Variants in NCOR2 observed in about 807,000 individuals in gnomAD.
The protein encoded by NCOR2 is nuclear receptor corepressor 2, also known as CTG repeat protein 26.
A neutral mutation model predicts 262.9 loss-of-function variants in NCOR2; 81 were observed. The ratio of observed to expected loss-of-function variants is 0.31; its 90% CI spans 0.26 to 0.37. The LOEUF (loss-of-function observed/expected upper bound fraction) is 0.37, where lower values mean the gene tolerates loss of function less well. Ranked by LOEUF, NCOR2 falls within the 10% of genes least tolerant of loss-of-function variation. The probability of loss-of-function intolerance (pLI) is 1.00; values close to 1 mark genes in which losing one functional copy is unlikely to be tolerated. For missense variants in NCOR2, 3,385 were observed against 3,621.4 expected, an observed-to-expected ratio of 0.93 and a Z score of 1.68; for synonymous variants, 1,659 against 1,559.3, an observed-to-expected ratio of 1.06 and a Z score of -1.51.
At chr12:124,337,113 C>T (rs750908364) in exon 38 of NCOR2, 40 of 1,510,908 alleles carry the variant, frequency 2.6e-5, no homozygotes, top group Middle Eastern at 3.5e-4. Flanking sequence ...AGGGTGCCGC[C>T]CAGTGGGCAG....
chr12:124,493,529 G>A (rs776605914), intron 1 of NCOR2, among the ~76,000 whole-genome samples: 4 of 152,182 alleles, frequency 2.6e-5, no homozygotes, highest in South Asian at 2.1e-4. Flanking sequence ...GAGAGGTTAC[G>A]TAACTTGTCC....
chr12:124,485,705 G>A (rs1455649870), intron 2 of NCOR2, among the ~76,000 whole-genome samples: 1 of 152,198 alleles, frequency 6.6e-6, no homozygotes, highest in Non-Finnish European at 1.5e-5. Context: ...GTACCATGAA[G>A]GGCTGGGGCC....
At chr12:124,460,662 G>C (rs1389707677) in intron 5 of NCOR2, among the ~76,000 whole-genome samples, 2 of 152,224 alleles carry the variant, frequency 1.3e-5, no homozygotes, top group African/African-American at 2.4e-5. Flanking sequence ...CCAGTAACCT[G>C]TTTCTGGGGT....
intron 1 of NCOR2, among the ~76,000 whole-genome samples, chr12:124,505,519 C>T (rs1228245733): frequency 6.6e-6 from 1 of 152,226 alleles, no homozygotes; most frequent in African/African-American, 2.4e-5. Flanking sequence ...CCAGTGCCCT[C>T]TCAACCAAGC....
At chr12:124,341,675 C>G in intron 34 of NCOR2, 148 bp downstream of exon 36, 1 of 1,265,196 alleles carries the variant, frequency 7.9e-7, no homozygotes, top group Non-Finnish European at 1.1e-6. Flanking sequence ...ACAGCACGCA[C>G]AACCCCAGGC....
In NCOR2 at chr12:124,370,272, C is replaced by T. The variant is rs1702336; in HGVS notation, c.2807+1750G>A. ...GCTCATCACAGGGTCAGGGTCAGGC[C>T]GTCCACTTCTCACACGCATGGGCGC... On this transcript the variant is annotated intron_variant, in intron 20 of 46. Coordinates refer to ENST00000405201, the Ensembl canonical transcript of NCOR2. Among the ~76,000 whole-genome samples the T allele has an allele frequency of 4.3e-3, 657 of 152,346 alleles. 2 individuals are homozygous for T. The highest frequency in any genetic ancestry group is 0.012 in the South Asian group (57 of 4,830).
chr12:124,557,968 G>A (rs1277198122), intron 1 of NCOR2, among the ~76,000 whole-genome samples: 1 of 151,972 alleles, frequency 6.6e-6, no homozygotes, highest in African/African-American at 2.4e-5. Context: ...CCAGCCTAGG[G>A]AAAAGCCCAG....
rs942338372 is a variant in NCOR2, at chr12:124,549,990, C to G, written c.-164-14379G>C. On this transcript the variant is annotated intron_variant, in intron 1 of 32. Coordinates refer to the NCOR2 transcript ENST00000458234. The surrounding 1 kb of genome is among the most constrained non-coding windows in gnomAD (Gnocchi z 4.4). Reference sequence around the variant, plus strand: ...ACCTTTCTCCCCTCCTGAGGTCCCTCTCTAAGATCCTGTATCGCAGGGGTC... The same window carrying G: ...ACCTTTCTCCCCTCCTGAGGTCCCTGTCTAAGATCCTGTATCGCAGGGGTC... Among the ~76,000 whole-genome samples, 3 of 152,248 alleles carry G rather than the reference C, an allele frequency of 2.0e-5. No individual in the cohort carries two copies. Among genetic ancestry groups the G allele is most frequent in the African/African-American group, 7.2e-5 (3 of 41,464 alleles).
intron 17 of NCOR2, among the ~76,000 whole-genome samples, chr12:124,384,019 C>T (rs1424782521): frequency 2.7e-5 from 4 of 148,640 alleles, no homozygotes; most frequent in Admixed American, 6.7e-5. Flanking sequence ...GGGGGACAGG[C>T]GGAGGGAGCC....
intron 1 of NCOR2, among the ~76,000 whole-genome samples, chr12:124,490,126 C>G: frequency 6.6e-6 from 1 of 152,190 alleles, no homozygotes; most frequent in East Asian, 1.9e-4. Flanking sequence ...ACATACTGTT[C>G]CTGCTGCCTG....
Position 124,378,494 on chromosome 12 carries a change from G to A in NCOR2, c.2020-110C>T. On this transcript the variant is annotated intron_variant, in intron 17 of 46. Coordinates refer to ENST00000405201, the Ensembl canonical transcript of NCOR2. The surrounding 1 kb of genome is among the most constrained non-coding windows in gnomAD (Gnocchi z 4.2). ...TGCAAAGGGCAGTGATCCCGGCCAT[G>A]TAGCAATGAGGGTGACCGTCCCCCT... 1.7e-6 allele frequency: 2 copies of A among 1,147,936 alleles called. No individual in the cohort carries two copies. Among genetic ancestry groups the A allele is most frequent in the Non-Finnish European group, 2.4e-6 (2 of 832,092 alleles). 71.1% of individuals were successfully genotyped at this position (1,147,936 alleles called of 1,614,324 possible). A position where few individuals can be genotyped will look rare whatever the true frequency, so the allele number is the denominator to read the frequency against.
Position 124,457,471 on chromosome 12 carries a change from G to A in NCOR2, c.706-309C>T, listed in dbSNP as rs548130359. 6.6e-6 allele frequency among the ~76,000 whole-genome samples: 1 copy of A among 152,250 alleles called. No homozygotes were observed. The highest frequency in any genetic ancestry group is 1.9e-4 in the East Asian group (1 of 5,142). ...CCTCGCTCCCCCAGGGCCCAGCGAC[G>A]TGGGCACCGCTCCCCACCAGCCCAG... On this transcript the variant is annotated intron_variant, in intron 5 of 46. Coordinates refer to ENST00000405201, the Ensembl canonical transcript of NCOR2. This position sits in a 1 kb window ranked among gnomAD's most constrained non-coding sequence, Gnocchi z 4.0.
chr12:124,524,887 C>A (rs991735652), intron 1 of NCOR2, among the ~76,000 whole-genome samples: 5 of 152,218 alleles, frequency 3.3e-5, no homozygotes, highest in African/African-American at 1.2e-4. Flanking sequence ...GGATACTAAA[C>A]TCGAAGGCAC....
chr12:124,523,364 C>T lies in NCOR2; in HGVS notation c.-118+12201G>A, dbSNP rs916971844. ...TGCCTGTTCTGGGGCTCCTGGGAAC[C>T]CACACCCCGGTGGCAGGGGCAGCGG... On this transcript the variant is annotated intron_variant, in intron 1 of 46. Transcript: ENST00000404621. This position sits in a 1 kb window ranked among gnomAD's most constrained non-coding sequence, Gnocchi z 4.0. Among the ~76,000 whole-genome samples the T allele has an allele frequency of 5.3e-5, 8 of 152,116 alleles. No individual in the cohort carries two copies. The highest frequency in any genetic ancestry group is 8.8e-5 in the Non-Finnish European group (6 of 68,010).
At chr12:124,339,910 C>CCCAAAAACAA in intron 37 of NCOR2, 96 bp downstream of exon 39, 1 of 1,057,510 alleles carries the variant, frequency 9.5e-7, no homozygotes, top group Non-Finnish European at 1.4e-6. Flanking sequence ...CACCCACCTC[C>CCCAAAAACAA]CATATACCTC....
chr12:124,442,674 T>C (rs1321363250), intron 7 of NCOR2, among the ~76,000 whole-genome samples: 1 of 152,186 alleles, frequency 6.6e-6, no homozygotes, highest in Non-Finnish European at 1.5e-5. Flanking sequence ...TTGCAGGTGG[T>C]ACACTGCCTA....
chr12:124,450,152 A>G (rs2045431401), intron 6 of NCOR2, among the ~76,000 whole-genome samples: 1 of 152,216 alleles, frequency 6.6e-6, no homozygotes, highest in African/African-American at 2.4e-5. Context: ...AAGGGGCCAC[A>G]GCCCAGAGCA....
intron 16 of NCOR2, among the ~76,000 whole-genome samples, chr12:124,386,494 C>T (rs1458352581): frequency 1.3e-5 from 2 of 152,096 alleles, no homozygotes; most frequent in African/African-American, 4.8e-5. Context: ...TCCCTAAGGG[C>T]ACCTAAAGGC....
At chr12:124,456,739 G>A (rs544602680) in intron 6 of NCOR2, among the ~76,000 whole-genome samples, 26 of 152,318 alleles carry the variant, frequency 1.7e-4, no homozygotes, top group Admixed American at 1.0e-3. Context: ...GGAGTGGACC[G>A]AGATTGTGTG....
Sources: allele counts gnomAD v4.1 joint callset (sites outside exome capture counted in the v4.1 genomes callset), GRCh38; gene constraint gnomAD v4.1.1; non-coding constraint Gnocchi (gnomAD v3.1); transcripts MANE v1.5; gene names NCBI Gene and HGNC (gene_info 2026-07-23, HGNC 2026-07-21).